The following CHRM5 variants were observed in gnomAD, a reference collection of about 807,000 sequenced individuals.
CHRM5 encodes cholinergic receptor muscarinic 5, also known as muscarinic acetylcholine receptor M5.
A neutral mutation model predicts 39.0 loss-of-function variants in CHRM5; 18 were observed. The ratio of observed to expected loss-of-function variants is 0.46; its 90% CI spans 0.32 to 0.68. The LOEUF (loss-of-function observed/expected upper bound fraction) is 0.68, where lower values mean the gene tolerates loss of function less well. Among genes scored for constraint, CHRM5 ranks in the 30% least tolerant of loss-of-function variants. CHRM5 has a pLI of 0.04. For synonymous variants in CHRM5, 241 were observed against 246.3 expected, an observed-to-expected ratio of 0.98 and a Z score of 0.20; for missense variants, 515 against 651.1, an observed-to-expected ratio of 0.79 and a Z score of 2.28.
In CHRM5 at chr15:34,063,727, T is replaced by C; in HGVS notation, c.1010T>C (p.Phe337Ser). The C allele has an allele frequency of 6.2e-7, 1 of 1,614,196 alleles. No individual in the cohort carries two copies. The change falls in exon 3 of 3, where the codon TTC becomes TCC. Residue 337 changes from phenylalanine (F) to serine (S), a missense_variant. Physicochemically the swap from Phe to Ser is radical, Grantham distance 155. Coordinates refer to ENST00000383263, the MANE Select transcript of CHRM5 (RefSeq NM_012125.4). This position sits in a 1 kb window ranked among gnomAD's most constrained non-coding sequence, Gnocchi z 4.1. Reference sequence around the variant, plus strand: ...GGTAAGGAAAGCCCAGGGGAAGAATTCAGTGCTGAAGAGACTGAGGAAACT... The same window carrying C: ...GGTAAGGAAAGCCCAGGGGAAGAATCCAGTGCTGAAGAGACTGAGGAAACT... ...SQGKESPGEEFSAEETEETFV... is the reference protein window; with the variant it reads ...SQGKESPGEESSAEETEETFV...
rs972698566 is a variant in CHRM5 at position 34,062,704 on chromosome 15, A to T, written c.-14A>T. On this transcript the variant is annotated 5_prime_UTR_variant, in exon 3 of 3. Transcript: ENST00000383263. ...AGAACCTAACACTATTTACTGTAAAATTTTTGCACCAGGATGGAAGGGGAT... is the reference window on the plus strand; with the variant it reads ...AGAACCTAACACTATTTACTGTAAATTTTTTGCACCAGGATGGAAGGGGAT... The T allele has an allele frequency of 1.3e-6, 2 of 1,593,392 alleles. No individual in the cohort carries two copies. Among genetic ancestry groups the T allele is most frequent in the South Asian group, 1.1e-5 (1 of 87,264 alleles).
intron 1 of CHRM5, among the ~76,000 whole-genome samples, chr15:34,032,420 G>C (rs1163567605): frequency 6.6e-6 from 1 of 152,142 alleles, no homozygotes; most frequent in Non-Finnish European, 1.5e-5. Flanking sequence ...CGATTTATGA[G>C]CGAGCTATTT....
intron 1 of CHRM5, among the ~76,000 whole-genome samples, chr15:34,015,414 G>A (rs1026023345): frequency 1.1e-4 from 16 of 151,810 alleles, no homozygotes; most frequent in African/African-American, 2.9e-4. Context: ...CCCGGGAGGC[G>A]GAGCTTGCAG....
chr15:33,981,602 C>G (rs1393605169), intron 1 of CHRM5, among the ~76,000 whole-genome samples: 1 of 152,156 alleles, frequency 6.6e-6, no homozygotes, highest in Non-Finnish European at 1.5e-5. Context: ...ATGCATACCA[C>G]AGGGGGCGAG....
chr15:33,974,006 A>G (rs932354375), intron 1 of CHRM5, among the ~76,000 whole-genome samples: 1 of 152,224 alleles, frequency 6.6e-6, no homozygotes, highest in African/African-American at 2.4e-5. Flanking sequence ...TTTATACTGA[A>G]ATAATAGCTA....
In CHRM5 at chr15:34,038,669, C is replaced by T. The variant is rs1899285776; in HGVS notation, c.-407-7871C>T. 2 of 1,030,928 alleles carry T rather than the reference C, an allele frequency of 1.9e-6. 1 individual carries two copies. The highest frequency in any genetic ancestry group is 1.0e-4 in the Admixed American group (2 of 19,172). The allele number at this position is 1,030,928 out of a possible 1,614,324, so 63.9% of individuals were successfully genotyped here. ...CGTCCCGCGCAGGCGCCGGCGCCGC[C>T]GCCCGTCTGGCGCGCGCCTGGCACG... On this transcript the variant is annotated intron_variant, in intron 1 of 2. Coordinates refer to ENST00000383263, the MANE Select transcript of CHRM5 (RefSeq NM_012125.4).
intron 1 of CHRM5, among the ~76,000 whole-genome samples, chr15:34,034,168 T>C (rs1012409334): frequency 6.6e-6 from 1 of 152,156 alleles, no homozygotes; most frequent in Admixed American, 6.5e-5. Context: ...CAGAGCCAAG[T>C]GTGGTGACTC....
Position 34,063,671 on chromosome 15 carries a change from C to T in CHRM5, c.954C>T (p.Asp318=), listed in dbSNP as rs1048219267. ...SSEDEDKPAT[D]PVLQVVYKSQ... is the part of the protein sequence containing the mutation. ...AGGATGAGGACAAGCCCGCCACTGA[C>T]CCTGTCCTCCAAGTGGTCTACAAGA... is the stretch of plus-strand genomic sequence containing the variant. Residue 318 remains aspartate, a synonymous_variant, in exon 3 of 3, where the codon GAC becomes GAT. Transcript: ENST00000383263. This position sits in a 1 kb window ranked among gnomAD's most constrained non-coding sequence, Gnocchi z 4.1. 2 of 1,614,066 alleles carry T rather than the reference C, an allele frequency of 1.2e-6. No homozygotes were observed. The highest frequency in any genetic ancestry group is 2.7e-5 in the African/African-American group (2 of 74,924).
chr15:34,064,966 A>G lies in CHRM5; in HGVS notation c.*650A>G, dbSNP rs1357484563. ...TCAATTCCTTGTACTCACTGAACCC[A>G]TGCTGATCTCCAGGGAACCATCCTT... On this transcript the variant is annotated 3_prime_UTR_variant, in exon 3 of 3. Coordinates refer to ENST00000383263, the MANE Select transcript of CHRM5 (RefSeq NM_012125.4). The G allele has an allele frequency of 6.0e-6, 1 of 167,210 alleles. No individual in the cohort carries two copies. Among genetic ancestry groups the G allele is most frequent in the African/African-American group, 2.4e-5 (1 of 41,448 alleles). 10.4% of individuals were successfully genotyped at this position (167,210 alleles called of 1,614,324 possible).
intron 1 of CHRM5, among the ~76,000 whole-genome samples, chr15:34,017,838 A>G (rs1005026085): frequency 6.6e-5 from 10 of 152,150 alleles, no homozygotes; most frequent in African/African-American, 1.7e-4. Flanking sequence ...TAAGTAATGC[A>G]CCACATACCA....
Position 33,968,907 on chromosome 15 carries a change from C to T in CHRM5, c.-651C>T, listed in dbSNP as rs981794795. The T allele has an allele frequency of 6.6e-6, 1 of 151,994 alleles. No homozygotes were observed. Among genetic ancestry groups the T allele is most frequent in the East Asian group, 1.9e-4 (1 of 5,202 alleles). 9.4% of individuals were successfully genotyped at this position (151,994 alleles called of 1,614,324 possible). On this transcript the variant is annotated 5_prime_UTR_variant, in exon 1 of 3. Coordinates refer to ENST00000383263, the MANE Select transcript of CHRM5 (RefSeq NM_012125.4). ...TTTGTGATCAGATCAACTGCTGTTA[C>T]CAGATAAAGGCAAAACTCACCCTTC...
intron 1 of CHRM5, among the ~76,000 whole-genome samples, chr15:33,980,447 C>A (rs1234204372): frequency 6.6e-6 from 1 of 152,186 alleles, no homozygotes; most frequent in Admixed American, 6.5e-5. Context: ...ACTCTCCAAA[C>A]GTGCTGCCTC....
chr15:34,033,614 ATT>A (rs901303991), intron 1 of CHRM5, among the ~76,000 whole-genome samples: 143 of 152,364 alleles, frequency 9.4e-4, no homozygotes, highest in African/African-American at 3.3e-3. Context: ...GTTATATAAC[ATT>A]TTTTAAGTCA....
chr15:34,007,978 CA>C (rs971526407), intron 1 of CHRM5, among the ~76,000 whole-genome samples: 3 of 152,172 alleles, frequency 2.0e-5, no homozygotes, highest in Non-Finnish European at 4.4e-5. Context: ...CTACCTTAAT[CA>C]AGTAAGACCT....
At chr15:33,983,658 A>G (rs1020722888) in intron 1 of CHRM5, among the ~76,000 whole-genome samples, 2 of 152,116 alleles carry the variant, frequency 1.3e-5, no homozygotes, top group African/African-American at 4.8e-5. Context: ...TCCTCCTTCC[A>G]TGGATGAAGC....
At chr15:34,044,142 G>C (rs1056307156) in intron 1 of CHRM5, among the ~76,000 whole-genome samples, 4 of 150,102 alleles carry the variant, frequency 2.7e-5, no homozygotes, top group African/African-American at 9.8e-5. Context: ...TCCAACTTCT[G>C]CATCATTTCT....
At chr15:34,044,739 T>C (rs1035645807) in intron 1 of CHRM5, among the ~76,000 whole-genome samples, 4 of 152,162 alleles carry the variant, frequency 2.6e-5, no homozygotes, top group African/African-American at 9.7e-5. Flanking sequence ...GTTTCACCTA[T>C]TTTCCTGTCC....
intron 1 of CHRM5, among the ~76,000 whole-genome samples, chr15:34,029,446 C>T (rs1042183615): frequency 2.1e-5 from 3 of 144,148 alleles, no homozygotes; most frequent in Non-Finnish European, 4.5e-5. Flanking sequence ...TTTGGTAAGC[C>T]GAGGCAGGGG....
At chr15:33,997,696 TCTTCA>T (rs1166434729) in intron 1 of CHRM5, among the ~76,000 whole-genome samples, 1 of 152,198 alleles carries the variant, frequency 6.6e-6, no homozygotes, top group African/African-American at 2.4e-5. Flanking sequence ...TTCTCTCATA[TCTTCA>T]CTTATTTCCT....
Sources: gnomAD v4.1 joint callset for allele counts (sites outside exome capture counted in the v4.1 genomes callset) on GRCh38, gnomAD v4.1.1 for gene constraint, Gnocchi (gnomAD v3.1) non-coding constraint, MANE v1.5 for transcripts, NCBI Gene and HGNC (gene_info 2026-07-23, HGNC 2026-07-21) for gene names.